VDAC1: variants seen among roughly 807,000 people sequenced by gnomAD.
The protein encoded by VDAC1 is non-selective voltage-gated ion channel VDAC1.
In VDAC1, 10 loss-of-function variants were observed where a neutral mutation model predicts 34.7. The ratio of observed to expected loss-of-function variants is 0.29; its 90% CI spans 0.18 to 0.49. VDAC1 has a LOEUF of 0.49. VDAC1 is among the 20% of genes least tolerant of loss of function. VDAC1 has a pLI of 0.99. For missense variants in VDAC1, 230 were observed against 347.9 expected (o/e 0.66, Z 2.69); for synonymous variants, 130 against 136.0 (o/e 0.96, Z 0.30).
the VDAC1 span, among the ~76,000 whole-genome samples, chr5:134,077,392 G>T: frequency 5.3e-5 from 8 of 152,012 alleles, no homozygotes; most frequent in Non-Finnish European, 2.9e-5. Flanking sequence ...GCTCAGCCTG[G>T]TCTGAAAATC....
At chr5:133,988,375 T>A (rs1752979949) in intron 5 of VDAC1, among the ~76,000 whole-genome samples, 1 of 149,540 alleles carries the variant, frequency 6.7e-6, no homozygotes, top group African/African-American at 2.5e-5. Context: ...TCACCCAAGG[T>A]CAGGAGTTCA....
chr5:134,111,841 A>G, the VDAC1 span, among the ~76,000 whole-genome samples: 1 of 152,200 alleles, frequency 6.6e-6, no homozygotes, highest in Non-Finnish European at 1.5e-5. Context: ...TGGGTTTCAA[A>G]TTCTGACACC....
chr5:134,071,345 T>C, the VDAC1 span, among the ~76,000 whole-genome samples: 1 of 152,172 alleles, frequency 6.6e-6, no homozygotes, highest in Non-Finnish European at 1.5e-5. The surrounding 1 kb of genome is among the most constrained non-coding windows in gnomAD (Gnocchi z 4.1). Context: ...AGGGCTGGAC[T>C]TGGAGGCCCA....
At chr5:134,097,000 T>C in the VDAC1 span, among the ~76,000 whole-genome samples, 1 of 152,242 alleles carries the variant, frequency 6.6e-6, no homozygotes, top group African/African-American at 2.4e-5. Flanking sequence ...AGCCTATTGC[T>C]AGAGACTCGT....
At chr5:134,055,184 T>C in the VDAC1 span, among the ~76,000 whole-genome samples, 1 of 152,028 alleles carries the variant, frequency 6.6e-6, no homozygotes, top group Non-Finnish European at 1.5e-5. Flanking sequence ...ATGGGGCAGG[T>C]GGCCCCCAGG....
intron 6 of VDAC1, among the ~76,000 whole-genome samples, chr5:133,980,378 A>G (rs570509781): frequency 7.9e-5 from 12 of 152,366 alleles, no homozygotes; most frequent in African/African-American, 2.6e-4. Context: ...CTCAGGCATT[A>G]GACAGAGAAA....
the VDAC1 span, among the ~76,000 whole-genome samples, chr5:134,021,567 A>AG: frequency 4.6e-5 from 7 of 151,724 alleles, no homozygotes; most frequent in Non-Finnish European, 5.9e-5. Context: ...TAAAAAAAAA[A>AG]AAAAGAAAAA....
At chr5:134,074,507 AC>A in the VDAC1 span, among the ~76,000 whole-genome samples, 1 of 151,704 alleles carries the variant, frequency 6.6e-6, no homozygotes, top group Non-Finnish European at 1.5e-5. Context: ...ATGCGAGATC[AC>A]CCCGAGAAGA....
At chr5:134,071,077 C>T in the VDAC1 span, among the ~76,000 whole-genome samples, 1 of 152,184 alleles carries the variant, frequency 6.6e-6, no homozygotes, top group African/African-American at 2.4e-5. This position sits in a 1 kb window ranked among gnomAD's most constrained non-coding sequence, Gnocchi z 4.1. Context: ...GAGGGGTGAC[C>T]AATCTTTCAG....
At chr5:134,066,130 G>A in the VDAC1 span, among the ~76,000 whole-genome samples, 14,192 of 151,246 alleles carry the variant, frequency 0.094, 976 homozygotes, top group East Asian at 0.28. Flanking sequence ...TTTTTGAGAC[G>A]GAGTCTCGCT....
chr5:134,021,876 ATTTT>A, the VDAC1 span, among the ~76,000 whole-genome samples: 1 of 133,232 alleles, frequency 7.5e-6, no homozygotes, highest in African/African-American at 2.8e-5. Flanking sequence ...AAAGCCTGTG[ATTTT>A]TTTTTTTTTT....
At chr5:134,113,875 G>A in the VDAC1 span, among the ~76,000 whole-genome samples, 1 of 152,338 alleles carries the variant, frequency 6.6e-6, no homozygotes, top group African/African-American at 2.4e-5. Flanking sequence ...GAGTTGCTGT[G>A]GACGAGCGAC....
Position 133,972,381 on chromosome 5 carries a change from C to T in VDAC1, c.*390G>A, listed in dbSNP as rs138252610. ...AGGTGAGTTTGTACACACCATCAAG[C>T]AGCGAGCCTCTCATCAATTAGGGTT... On this transcript the variant is annotated 3_prime_UTR_variant, in exon 9 of 9. Coordinates refer to ENST00000265333, the MANE Select transcript of VDAC1 (RefSeq NM_003374.3). 340 of 398,166 alleles carry T rather than the reference C, an allele frequency of 8.5e-4. 4 individuals carry two copies. Among genetic ancestry groups the T allele is most frequent in the African/African-American group, 6.5e-3 (316 of 48,550 alleles). 24.7% of individuals were successfully genotyped at this position (398,166 alleles called of 1,614,324 possible). A position where few individuals can be genotyped will look rare whatever the true frequency, so the allele number is the denominator to read the frequency against.
chr5:134,030,964 T>C, the VDAC1 span, among the ~76,000 whole-genome samples: 1 of 152,108 alleles, frequency 6.6e-6, no homozygotes, highest in African/African-American at 2.4e-5. Flanking sequence ...CTAGATTTGC[T>C]GGAACAAGGC....
intron 1 of VDAC1, among the ~76,000 whole-genome samples, chr5:133,999,667 C>G (rs1291223516): frequency 6.6e-6 from 1 of 152,168 alleles, no homozygotes; most frequent in African/African-American, 2.4e-5. Context: ...CAGCTCCTGC[C>G]AAGAAGCTCC....
the VDAC1 span, among the ~76,000 whole-genome samples, chr5:134,108,320 G>A: frequency 6.6e-6 from 1 of 152,184 alleles, no homozygotes; most frequent in South Asian, 2.1e-4. Flanking sequence ...TTTATTAAGT[G>A]CCACAGTATG....
the VDAC1 span, among the ~76,000 whole-genome samples, chr5:134,055,915 A>G: frequency 6.6e-6 from 1 of 151,800 alleles, no homozygotes; most frequent in African/African-American, 2.4e-5. Context: ...ACACACAGAG[A>G]GAACTTGCTT....
the VDAC1 span, among the ~76,000 whole-genome samples, chr5:134,046,529 A>G: frequency 6.6e-6 from 1 of 152,306 alleles, no homozygotes; most frequent in South Asian, 2.1e-4. Context: ...TTGCCATATA[A>G]GGTAACAACA....
At chr5:133,996,210 CAG>C (rs2126996690) in intron 1 of VDAC1, among the ~76,000 whole-genome samples, 1 of 152,298 alleles carries the variant, frequency 6.6e-6, no homozygotes, top group East Asian at 1.9e-4. Flanking sequence ...TGGTAGGAAA[CAG>C]AGGGATGGGC....
Sources: allele counts gnomAD v4.1 joint callset (sites outside exome capture counted in the v4.1 genomes callset), GRCh38; gene constraint gnomAD v4.1.1; non-coding constraint Gnocchi (gnomAD v3.1); transcripts MANE v1.5; gene names NCBI Gene and HGNC (gene_info 2026-07-23, HGNC 2026-07-21).